Variants in CRPPA observed in about 807,000 individuals in gnomAD.
CRPPA encodes the protein D-ribitol-5-phosphate cytidylyltransferase.
In CRPPA, 43 loss-of-function variants were observed where a neutral mutation model predicts 52.0. The ratio of observed to expected loss-of-function variants is 0.83; its 90% CI spans 0.65 to 1.07. The LOEUF (loss-of-function observed/expected upper bound fraction) is 1.07. Ranked by LOEUF, CRPPA falls within the 50% of genes least tolerant of loss-of-function variation. The probability of loss-of-function intolerance (pLI) is 0.00; values close to 1 mark genes in which losing one functional copy is unlikely to be tolerated. For missense variants in CRPPA, 629 were observed against 551.7 expected, an observed-to-expected ratio of 1.14 and a Z score of -1.40; for synonymous variants, 250 against 203.5, an observed-to-expected ratio of 1.23 and a Z score of -1.94.
In CRPPA at chr7:16,378,340, T is replaced by TCA. The variant is rs1303691747; in HGVS notation, c.535-2100_535-2099insTG. ...GTGTTCCCATTGTTCAATTCCCACC[T>TCA]ATGAGTGAGAACATGCGGTGTTTGG... is the stretch of plus-strand genomic sequence containing the variant. On this transcript the variant is annotated intron_variant, in intron 2 of 9. Coordinates refer to ENST00000407010, the MANE Select transcript of CRPPA (RefSeq NM_001101426.4). Among the ~76,000 whole-genome samples the TCA allele has an allele frequency of 9.3e-5, 13 of 140,500 alleles. No homozygotes were observed. The East Asian group carries it at 2.7e-3, about 29-fold the overall frequency. The allele number at this position is 140,500 out of a possible 152,430, so 92.2% of individuals were successfully genotyped here.
chr7:16,102,197 T>G (rs1223820714), intron 9 of CRPPA, among the ~76,000 whole-genome samples: 5 of 151,622 alleles, frequency 3.3e-5, no homozygotes, highest in Non-Finnish European at 5.9e-5. Context: ...ACAAAAACAA[T>G]CAATGGGGAA....
chr7:16,404,087 A>G (rs1183635742), intron 2 of CRPPA, among the ~76,000 whole-genome samples: 1 of 152,050 alleles, frequency 6.6e-6, no homozygotes, highest in Non-Finnish European at 1.5e-5. Context: ...TCTCATTAAT[A>G]AACTTGAAAA....
intron 2 of CRPPA, among the ~76,000 whole-genome samples, chr7:16,397,789 G>A (rs1787648000): frequency 1.3e-5 from 2 of 152,114 alleles, no homozygotes; most frequent in Admixed American, 6.5e-5. Flanking sequence ...ACACGTCACT[G>A]ACATGATTGG....
At position 16,351,196 on chromosome 7, in the gene CRPPA, G is replaced by A. The variant is rs546745726; in HGVS notation, c.684+24896C>T. Among the ~76,000 whole-genome samples, 5 of 152,048 alleles carry A rather than the reference G, an allele frequency of 3.3e-5. No individual in the cohort carries two copies. The South Asian group carries it at 6.2e-4, about 19-fold the overall frequency. Reference sequence around the variant, plus strand: ...TTTAATAAATGGTACTGGGAAAACCGGCTACCCATATGCTGAAAAACTGAA... The same window carrying A: ...TTTAATAAATGGTACTGGGAAAACCAGCTACCCATATGCTGAAAAACTGAA... On this transcript the variant is annotated intron_variant, in intron 3 of 9. Coordinates refer to ENST00000407010, the MANE Select transcript of CRPPA (RefSeq NM_001101426.4).
chr7:16,212,544 A>G (rs2128396824), intron 9 of CRPPA, among the ~76,000 whole-genome samples: 1 of 152,306 alleles, frequency 6.6e-6, no homozygotes, highest in East Asian at 1.9e-4. Context: ...CGTAATGAAT[A>G]ATTTCTCCAG....
intron 9 of CRPPA, among the ~76,000 whole-genome samples, chr7:16,104,185 T>A (rs1463499077): frequency 6.6e-6 from 1 of 152,180 alleles, no homozygotes; most frequent in Non-Finnish European, 1.5e-5. Flanking sequence ...TGGCCATGAA[T>A]TACAACCTGC....
chr7:16,192,245 G>A (rs971623735), intron 9 of CRPPA, among the ~76,000 whole-genome samples: 2 of 152,040 alleles, frequency 1.3e-5, no homozygotes, highest in East Asian at 1.9e-4. Context: ...TTGGGTGGAC[G>A]TGATAGTTCA....
At chr7:16,131,460 C>T (rs991180374) in intron 9 of CRPPA, among the ~76,000 whole-genome samples, 12 of 152,148 alleles carry the variant, frequency 7.9e-5, no homozygotes, top group African/African-American at 2.9e-4. Flanking sequence ...AAAGTGGCTG[C>T]CCCAGGTACA....
At chr7:16,269,779 T>C (rs961334175) in intron 6 of CRPPA, 8 of 152,186 alleles carry the variant, frequency 5.3e-5, no homozygotes, top group African/African-American at 1.9e-4. Flanking sequence ...CTCTGTGGCA[T>C]TGTAAAGTAA....
Position 16,421,490 on chromosome 7 carries a change from C to T in CRPPA, c.-168G>A, listed in dbSNP as rs1012617440. On this transcript the variant is annotated 5_prime_UTR_variant, in exon 1 of 10. Transcript: ENST00000407010. ...CGTCGGAGCCCCGCTGTTGCTGCCC[C>T]GCAGGGGACGATCCCGACAGCTACG... 3.3e-5 allele frequency among the ~76,000 whole-genome samples: 5 copies of T among 152,148 alleles called. No homozygotes were observed. The highest frequency in any genetic ancestry group is 1.2e-4 in the African/African-American group (5 of 41,474).
At chr7:16,195,035 G>A (rs949240519) in intron 9 of CRPPA, among the ~76,000 whole-genome samples, 1 of 151,690 alleles carries the variant, frequency 6.6e-6, no homozygotes, top group Non-Finnish European at 1.5e-5. Flanking sequence ...GAATCATGGT[G>A]GTAATTTTTT....
intron 5 of CRPPA, among the ~76,000 whole-genome samples, 199 bp from the exon 6 acceptor site, chr7:16,278,425 C>T (rs1784255100): frequency 6.6e-6 from 1 of 152,142 alleles, no homozygotes; most frequent in Non-Finnish European, 1.5e-5. Flanking sequence ...TAAACCTATC[C>T]ATTGAACACT....
At chr7:16,396,780 A>G (rs1450570361) in intron 2 of CRPPA, among the ~76,000 whole-genome samples, 1 of 152,246 alleles carries the variant, frequency 6.6e-6, no homozygotes, top group Non-Finnish European at 1.5e-5. Flanking sequence ...CATGTGAAGG[A>G]AGACGTGATA....
At chr7:16,157,339 G>C (rs1447963125) in intron 9 of CRPPA, among the ~76,000 whole-genome samples, 1 of 151,980 alleles carries the variant, frequency 6.6e-6, no homozygotes, top group East Asian at 1.9e-4. Flanking sequence ...TTCTCATATG[G>C]AAACAATATG....
chr7:16,171,723 G>C (rs1583406546), intron 9 of CRPPA, among the ~76,000 whole-genome samples: 3 of 152,320 alleles, frequency 2.0e-5, no homozygotes, highest in Admixed American at 2.0e-4. Flanking sequence ...AACCCAGGAG[G>C]CGGAGCTTGC....
At chr7:16,372,644 G>A (rs1786777913) in intron 3 of CRPPA, among the ~76,000 whole-genome samples, 1 of 151,994 alleles carries the variant, frequency 6.6e-6, no homozygotes, top group Admixed American at 6.6e-5. Flanking sequence ...TGAAAAAAAG[G>A]ACCTAGGTAA....
chr7:16,124,497 T>A (rs1412181167), intron 9 of CRPPA, among the ~76,000 whole-genome samples: 1 of 152,208 alleles, frequency 6.6e-6, no homozygotes, highest in African/African-American at 2.4e-5. Context: ...AAATGCTACA[T>A]GTTCTCACTC....
chr7:16,405,360 G>A (rs149965182), intron 2 of CRPPA, among the ~76,000 whole-genome samples: 3 of 152,094 alleles, frequency 2.0e-5, no homozygotes, highest in African/African-American at 4.8e-5. Context: ...TTAAAAACAC[G>A]ACATCACTAG....
intron 9 of CRPPA, among the ~76,000 whole-genome samples, chr7:16,192,878 T>C (rs889354597): frequency 6.6e-6 from 1 of 152,162 alleles, no homozygotes; most frequent in African/African-American, 2.4e-5. Flanking sequence ...TGTCTATATA[T>C]GTGTGGGTCT....
Sources: allele counts gnomAD v4.1 joint callset (sites outside exome capture counted in the v4.1 genomes callset), GRCh38; gene constraint gnomAD v4.1.1; transcripts MANE v1.5; gene names NCBI Gene and HGNC (gene_info 2026-07-23, HGNC 2026-07-21).